NKAIN2: variants seen among roughly 807,000 people sequenced by gnomAD.
NKAIN2 encodes the protein sodium/potassium-transporting ATPase subunit beta-1-interacting protein 2.
A neutral mutation model predicts 32.6 loss-of-function variants in NKAIN2; 14 were observed. That is an observed-to-expected ratio of 0.43 (90% CI 0.28 to 0.67). The LOEUF (loss-of-function observed/expected upper bound fraction) is 0.67, where lower values mean the gene tolerates loss of function less well. NKAIN2 is among the 30% of genes least tolerant of loss of function. The pLI, the probability that NKAIN2 is intolerant of heterozygous loss-of-function variation, is 0.17. For missense variants in NKAIN2, 198 were observed against 258.3 expected (o/e 0.77, Z 1.60); for synonymous variants, 80 against 87.2 (o/e 0.92, Z 0.46).
intron 1 of NKAIN2, among the ~76,000 whole-genome samples, chr6:124,128,804 G>A (rs1056244215): frequency 3.9e-5 from 6 of 152,236 alleles, no homozygotes; most frequent in Middle Eastern, 3.4e-3. Flanking sequence ...TTCTTGAGGT[G>A]TTATATTTTT....
At position 123,997,206 on chromosome 6, in the gene NKAIN2, C is replaced by G. The variant is rs1357652485; in HGVS notation, c.54+192952C>G. ...TTAGGCTGATATGTTTTTAATAACT[C>G]TAGCTTCATAGATATCTTGCATTAA... On this transcript the variant is annotated intron_variant, in intron 1 of 6. Coordinates refer to ENST00000368417, the MANE Select transcript of NKAIN2 (RefSeq NM_001040214.3). Among the ~76,000 whole-genome samples the G allele has an allele frequency of 3.3e-5, 5 of 152,166 alleles. No individual in the cohort carries two copies. The South Asian group carries it at 6.2e-4, about 19-fold the overall frequency.
intron 1 of NKAIN2, among the ~76,000 whole-genome samples, chr6:123,965,746 G>T (rs1290025894): frequency 6.6e-6 from 1 of 152,060 alleles, no homozygotes; most frequent in African/African-American, 2.4e-5. Flanking sequence ...CTTTATCCAC[G>T]ATTAATTTCC....
intron 3 of NKAIN2, among the ~76,000 whole-genome samples, chr6:124,590,636 A>AGAGAGT (rs1781876888): frequency 6.6e-6 from 1 of 152,184 alleles, no homozygotes; most frequent in African/African-American, 2.4e-5. Context: ...GGTGAGTAGG[A>AGAGAGT]GAGAGTGAGA....
In NKAIN2 at chr6:124,009,759, A is replaced by G. The variant is rs546957866; in HGVS notation, c.54+205505A>G. ...CATTGTGAATGAATCTAGACAATGC[A>G]TGGTGCTGAGTAGACTTTAACAATG... On this transcript the variant is annotated intron_variant, in intron 1 of 6. Transcript: ENST00000368417. 3.3e-5 allele frequency among the ~76,000 whole-genome samples: 5 copies of G among 152,328 alleles called. No homozygotes were observed. In the East Asian group the frequency reaches 9.6e-4, roughly 29 times the overall value.
At chr6:124,761,685 C>T (rs1364507889) in intron 4 of NKAIN2, among the ~76,000 whole-genome samples, 1 of 152,146 alleles carries the variant, frequency 6.6e-6, no homozygotes, top group Admixed American at 6.5e-5. Context: ...TCTAACATAA[C>T]TTTCTCTTTT....
At chr6:124,694,420 C>A (rs922064681) in intron 4 of NKAIN2, among the ~76,000 whole-genome samples, 8 of 152,198 alleles carry the variant, frequency 5.3e-5, no homozygotes, top group African/African-American at 1.9e-4. Context: ...CCAATTGGAA[C>A]CGGCAGGAGT....
At chr6:124,399,579 G>GCA (rs1773541145) in intron 3 of NKAIN2, among the ~76,000 whole-genome samples, 1 of 152,318 alleles carries the variant, frequency 6.6e-6, no homozygotes, top group East Asian at 1.9e-4. Flanking sequence ...ATAAGGGTTT[G>GCA]AGTTGGGTGG....
At chr6:124,731,054 G>A (rs1776640723) in intron 4 of NKAIN2, among the ~76,000 whole-genome samples, 1 of 144,694 alleles carries the variant, frequency 6.9e-6, no homozygotes. Flanking sequence ...TAAAAAGTCA[G>A]GAAACAACAG....
At chr6:124,596,690 G>A (rs1782104641) in intron 3 of NKAIN2, among the ~76,000 whole-genome samples, 1 of 150,360 alleles carries the variant, frequency 6.7e-6, no homozygotes, top group African/African-American at 2.5e-5. Flanking sequence ...GTGTGTGTGT[G>A]TGTGTGTGTG....
At chr6:124,100,095 A>C (rs1347267942) in intron 1 of NKAIN2, among the ~76,000 whole-genome samples, 2 of 152,200 alleles carry the variant, frequency 1.3e-5, no homozygotes, top group African/African-American at 4.8e-5. Flanking sequence ...AAAATTGAAC[A>C]CAGTTTATTC....
At chr6:124,472,973 T>G (rs183496999) in intron 3 of NKAIN2, among the ~76,000 whole-genome samples, 2 of 152,270 alleles carry the variant, frequency 1.3e-5, no homozygotes, top group East Asian at 3.9e-4. Context: ...ACTCTCTGCC[T>G]CCTCTCGCTG....
intron 2 of NKAIN2, among the ~76,000 whole-genome samples, chr6:124,344,617 GA>G (rs1798309082): frequency 6.6e-6 from 1 of 152,022 alleles, no homozygotes; most frequent in African/African-American, 2.4e-5. Flanking sequence ...GTTCACTCAT[GA>G]TTTGGCTCTC....
intron 4 of NKAIN2, among the ~76,000 whole-genome samples, chr6:124,674,125 T>C (rs1461574004): frequency 6.6e-6 from 1 of 152,058 alleles, no homozygotes; most frequent in Non-Finnish European, 1.5e-5. Context: ...CACCATTGTG[T>C]AGTCTTGACA....
At chr6:124,635,526 A>C (rs1783741847) in intron 3 of NKAIN2, among the ~76,000 whole-genome samples, 1 of 152,074 alleles carries the variant, frequency 6.6e-6, no homozygotes, top group Non-Finnish European at 1.5e-5. Context: ...AGACATAGAC[A>C]AGATTCAACT....
intron 4 of NKAIN2, among the ~76,000 whole-genome samples, chr6:124,706,149 G>A (rs1775051765): frequency 6.6e-6 from 1 of 152,062 alleles, no homozygotes. Context: ...TACCTAGGAG[G>A]ATATCCACTT....
In NKAIN2 at chr6:123,832,134, C is replaced by G. The variant is rs537230728; in HGVS notation, c.54+27880C>G. Among the ~76,000 whole-genome samples the G allele has an allele frequency of 2.0e-5, 3 of 152,296 alleles. No individual in the cohort carries two copies. In the East Asian group the frequency reaches 5.8e-4, roughly 29 times the overall value. ...AAACCTCTGTGCTCCATCCATTCAT[C>G]TCTGCGCCCCAGCCAACCCTTGCAA... On this transcript the variant is annotated intron_variant, in intron 1 of 6. Coordinates refer to ENST00000368417, the MANE Select transcript of NKAIN2 (RefSeq NM_001040214.3).
At chr6:124,344,555 G>A (rs548610627) in intron 2 of NKAIN2, among the ~76,000 whole-genome samples, 1 of 151,732 alleles carries the variant, frequency 6.6e-6, no homozygotes, top group Admixed American at 6.6e-5. Flanking sequence ...CACGTCCCTT[G>A]TAAGTTGGAT....
At chr6:124,374,741 A>G (rs932915354) in intron 3 of NKAIN2, among the ~76,000 whole-genome samples, 3 of 152,172 alleles carry the variant, frequency 2.0e-5, no homozygotes, top group Non-Finnish European at 4.4e-5. Flanking sequence ...ATGTTAAAAC[A>G]TTATTTATAC....
chr6:124,364,865 GGGGATTTAAATA>G (rs1476898894), intron 3 of NKAIN2, among the ~76,000 whole-genome samples: 1 of 151,900 alleles, frequency 6.6e-6, no homozygotes, highest in Admixed American at 6.6e-5. Context: ...TAAAATATTT[GGGGATTTAAATA>G]TTTGTAAAAC....
Sources: allele counts gnomAD v4.1 joint callset (sites outside exome capture counted in the v4.1 genomes callset), GRCh38; gene constraint gnomAD v4.1.1; transcripts MANE v1.5; gene names NCBI Gene and HGNC (gene_info 2026-07-23, HGNC 2026-07-21).